TNR: variants seen among roughly 807,000 people sequenced by gnomAD.
TNR encodes tenascin-R.
Under a neutral mutation model 150.4 loss-of-function variants are expected in TNR, and 45 were observed. That is an observed-to-expected ratio of 0.30 (90% CI 0.24 to 0.38). The LOEUF is 0.38. Ranked by LOEUF, TNR falls within the 10% of genes least tolerant of loss-of-function variation. The pLI is 1.00. For missense variants in TNR, 1,544 were observed against 1,759.1 expected (o/e 0.88, Z 2.19); for synonymous variants, 687 against 678.4 (o/e 1.01, Z -0.20).
chr1:175,572,069 G>T (rs1006095166), intron 1 of TNR, among the ~76,000 whole-genome samples: 1 of 152,110 alleles, frequency 6.6e-6, no homozygotes, highest in Non-Finnish European at 1.5e-5. Flanking sequence ...AGCAGTCTGT[G>T]CTGTCTGAGC....
At chr1:175,402,999 G>A in intron 4 of TNR, 141 bp downstream of exon 4, 1 of 737,432 alleles carries the variant, frequency 1.4e-6, no homozygotes, top group Non-Finnish European at 2.3e-6. Flanking sequence ...CTCTTGGAAA[G>A]CAAATGAGTA....
intron 1 of TNR, among the ~76,000 whole-genome samples, chr1:175,541,592 A>T (rs1045762039): frequency 6.6e-6 from 1 of 152,242 alleles, no homozygotes; most frequent in Admixed American, 6.5e-5. Context: ...TTAAAAATGA[A>T]TGAGTTTGTG....
intron 2 of TNR, among the ~76,000 whole-genome samples, chr1:175,448,220 T>A (rs1443877613): frequency 6.6e-6 from 1 of 151,892 alleles, no homozygotes; most frequent in Non-Finnish European, 1.5e-5. Flanking sequence ...GATTTTACTT[T>A]TATTTTTATT....
intron 2 of TNR, among the ~76,000 whole-genome samples, chr1:175,488,861 G>A (rs1169099005): frequency 6.6e-6 from 1 of 152,228 alleles, no homozygotes; most frequent in African/African-American, 2.4e-5. Flanking sequence ...ATAGGTGAGG[G>A]AGGAAGGGTG....
At chr1:175,697,323 G>T (rs1339907360) in intron 1 of TNR, among the ~76,000 whole-genome samples, 1 of 149,930 alleles carries the variant, frequency 6.7e-6, no homozygotes, top group African/African-American at 2.5e-5. Flanking sequence ...TGAACAAAGA[G>T]CAACAAACAG....
chr1:175,387,692 C>T (rs1184208600), intron 7 of TNR, among the ~76,000 whole-genome samples: 5 of 152,242 alleles, frequency 3.3e-5, no homozygotes, highest in African/African-American at 1.2e-4. Context: ...AAGTAAGTCT[C>T]TCTTCCTTGT....
chr1:175,499,357 C>T (rs1272576809), intron 2 of TNR, among the ~76,000 whole-genome samples: 1 of 152,218 alleles, frequency 6.6e-6, no homozygotes, highest in Non-Finnish European at 1.5e-5. Context: ...CTCCACTTGT[C>T]AAATGCAGGA....
chr1:175,484,258 T>A (rs761717641), intron 2 of TNR, among the ~76,000 whole-genome samples: 1 of 152,220 alleles, frequency 6.6e-6, no homozygotes, highest in Non-Finnish European at 1.5e-5. Flanking sequence ...AATTCCTAAA[T>A]GTGTTACTTT....
intron 1 of TNR, among the ~76,000 whole-genome samples, chr1:175,738,681 G>A (rs1667841117): frequency 6.6e-6 from 1 of 152,120 alleles, no homozygotes; most frequent in Non-Finnish European, 1.5e-5. Context: ...AAGGTTGCTT[G>A]AATTCCCTTT....
At chr1:175,620,558 C>A (rs1350470820) in intron 1 of TNR, among the ~76,000 whole-genome samples, 1 of 152,180 alleles carries the variant, frequency 6.6e-6, no homozygotes, top group African/African-American at 2.4e-5. Context: ...CAGAACACAG[C>A]CCAAAGGCTG....
intron 1 of TNR, among the ~76,000 whole-genome samples, chr1:175,720,666 G>C (rs1303369914): frequency 6.6e-6 from 1 of 152,234 alleles, no homozygotes; most frequent in Non-Finnish European, 1.5e-5. Flanking sequence ...GGAGCAGGAA[G>C]TAATAGATTT....
intron 5 of TNR, among the ~76,000 whole-genome samples, chr1:175,394,336 C>T (rs1242860129): frequency 6.6e-6 from 1 of 152,122 alleles, no homozygotes; most frequent in Non-Finnish European, 1.5e-5. Context: ...ATTTTGCACA[C>T]AGGAAAAGAG....
intron 1 of TNR, among the ~76,000 whole-genome samples, chr1:175,557,815 A>G (rs1571604501): frequency 7.8e-6 from 1 of 128,224 alleles, no homozygotes; most frequent in African/African-American, 2.9e-5. Context: ...ATAAAGACAC[A>G]TGCACACGTA....
chr1:175,523,237 C>A (rs766777594), intron 2 of TNR, among the ~76,000 whole-genome samples: 3 of 152,144 alleles, frequency 2.0e-5, no homozygotes, highest in Admixed American at 6.5e-5. Flanking sequence ...TCCCCAAAAC[C>A]TGAAGAACTG....
intron 2 of TNR, among the ~76,000 whole-genome samples, chr1:175,467,506 T>C (rs1175528713): frequency 6.6e-6 from 1 of 152,214 alleles, no homozygotes; most frequent in Non-Finnish European, 1.5e-5. Context: ...CTCAGAGGAA[T>C]GACCTTTCTA....
intron 2 of TNR, among the ~76,000 whole-genome samples, chr1:175,497,728 A>C (rs947552296): frequency 6.6e-6 from 1 of 152,058 alleles, no homozygotes; most frequent in Admixed American, 6.6e-5. Context: ...GGTCCCTTGG[A>C]TTCTTTAGTG....
At chr1:175,742,629 T>C (rs915855636) in intron 1 of TNR, among the ~76,000 whole-genome samples, 4 of 152,090 alleles carry the variant, frequency 2.6e-5, no homozygotes, top group Non-Finnish European at 4.4e-5. Flanking sequence ...CCACTTACCA[T>C]GGGTTCACAC....
intron 2 of TNR, among the ~76,000 whole-genome samples, chr1:175,518,686 C>A (rs541646441): frequency 6.6e-6 from 1 of 152,272 alleles, no homozygotes; most frequent in South Asian, 2.1e-4. Flanking sequence ...GTAGTCATCA[C>A]CTCATTATAA....
intron 2 of TNR, among the ~76,000 whole-genome samples, chr1:175,410,982 A>ATGAACTTTG (rs1654186977): frequency 6.6e-6 from 1 of 152,212 alleles, no homozygotes. Flanking sequence ...AGAAGGCCAA[A>ATGAACTTTG]GTTCATTTCA....
Sources: gnomAD v4.1 joint callset for allele counts (sites outside exome capture counted in the v4.1 genomes callset) on GRCh38, gnomAD v4.1.1 for gene constraint, MANE v1.5 for transcripts, NCBI Gene and HGNC (gene_info 2026-07-23, HGNC 2026-07-21) for gene names.